Variants in CARTPT observed in about 807,000 individuals in gnomAD.
CARTPT encodes the protein cocaine- and amphetamine-regulated transcript protein.
In CARTPT, 6 loss-of-function variants were observed where a neutral mutation model predicts 12.2. The ratio of observed to expected loss-of-function variants is 0.49; its 90% confidence interval spans 0.27 to 0.97. The LOEUF is 0.97. Ranked by LOEUF, CARTPT falls within the 50% of genes least tolerant of loss-of-function variation. The probability of loss-of-function intolerance (pLI) is 0.12; values close to 1 mark genes in which losing one functional copy is unlikely to be tolerated. For synonymous variants in CARTPT, 75 were observed against 64.1 expected (o/e 1.17, Z -0.82); for missense variants, 135 against 142.0 (o/e 0.95, Z 0.25).
In CARTPT at chr5:71,719,442, A is replaced by G. The variant is rs1336620705; in HGVS notation, c.149A>G (p.Glu50Gly). The change falls in exon 1 of 3, where the codon GAG (glutamate) becomes GGG (glycine). Residue 50 changes from glutamate to glycine, a missense_variant. Coordinates refer to ENST00000296777, the MANE Select transcript of CARTPT (RefSeq NM_004291.4). ...IYSAVDDASHEKELIEALQEV... is the reference protein window; with the variant it reads ...IYSAVDDASHGKELIEALQEV... ...TCTGCCGTGGATGATGCCTCCCACG[A>G]GAAGGAGCTGGTCGGTATTCCCCTC... 6.2e-7 allele frequency: 1 copy of G among 1,614,048 alleles called. No individual in the cohort carries two copies. The highest frequency in any genetic ancestry group is 1.1e-5 in the South Asian group (1 of 91,068).
At chr5:71,720,000 A>G in intron 2 of CARTPT, 37 bp downstream of exon 2, 1 of 1,553,946 alleles carries the variant, frequency 6.4e-7, no homozygotes, top group Non-Finnish European at 8.9e-7. Context: ...GTGTTTTTCC[A>G]AGAGAAAGTA....
At chr5:71,719,832 G>T (rs369250355) in intron 1 of CARTPT, 48 bp from the exon 2 acceptor site, 3 of 1,580,506 alleles carry the variant, frequency 1.9e-6, no homozygotes, top group African/African-American at 1.3e-5. Context: ...CCTGGGCTGG[G>T]CTCGCAGCCA....
At chr5:71,719,765 C>G in intron 1 of CARTPT, 115 bp from the exon 2 acceptor site, 1 of 977,284 alleles carries the variant, frequency 1.0e-6, no homozygotes, top group Non-Finnish European at 1.6e-6. Flanking sequence ...CCGCGGAGTC[C>G]CACCGCAGAG....
rs1411878154 is a variant in CARTPT at position 71,719,280 on chromosome 5, C to T, written c.-14C>T. 2 of 1,609,998 alleles carry T rather than the reference C, an allele frequency of 1.2e-6. No individual in the cohort carries two copies. Among genetic ancestry groups the T allele is most frequent in the Admixed American group, 3.3e-5 (2 of 60,018 alleles). On this transcript the variant is annotated 5_prime_UTR_variant, in exon 1 of 3. The change creates a new upstream start codon in the 5' untranslated region. Coordinates refer to ENST00000296777, the MANE Select transcript of CARTPT (RefSeq NM_004291.4). ...GGAGCGCGTGGTGCCCCAGCAACGA[C>T]GAGTTTCAGAACGATGGAGAGCTCC...
chr5:71,719,307 G>T lies in CARTPT; in HGVS notation c.14G>T (p.Arg5Leu), dbSNP rs367802978. 5 of 1,612,590 alleles carry T rather than the reference G, an allele frequency of 3.1e-6. No homozygotes were observed. In the South Asian group the frequency reaches 3.3e-5, roughly 11 times the overall value. Residue 5 changes from arginine (R) to leucine (L), a missense_variant, in exon 1 of 3, where the codon CGC (arginine) becomes CTC (leucine). Coordinates refer to ENST00000296777, the MANE Select transcript of CARTPT (RefSeq NM_004291.4). The part of the protein sequence containing the change: MESS[R>L]VRLLPLLGAA... ...AGTTTCAGAACGATGGAGAGCTCCC[G>T]CGTGAGGCTGCTGCCCCTCCTGGGC...
At position 71,721,001 on chromosome 5, in the gene CARTPT, T is replaced by C. The variant is rs1056062075; in HGVS notation, c.*386T>C. 6 of 253,596 alleles carry C rather than the reference T, an allele frequency of 2.4e-5. No homozygotes were observed. The highest frequency in any genetic ancestry group is 1.1e-4 in the African/African-American group (5 of 45,290). 15.7% of individuals were successfully genotyped at this position (253,596 alleles called of 1,614,324 possible). A position where few individuals can be genotyped will look rare whatever the true frequency, so the allele number is the denominator to read the frequency against. On this transcript the variant is annotated 3_prime_UTR_variant, in exon 3 of 3. Coordinates refer to ENST00000296777, the MANE Select transcript of CARTPT (RefSeq NM_004291.4). Reference sequence around the variant, plus strand: ...AATAAATCACCCTAAGTGACACAAATTGAAGCATGTACAAATTATACATAA... The same window carrying C: ...AATAAATCACCCTAAGTGACACAAACTGAAGCATGTACAAATTATACATAA...
chr5:71,720,546 A>T lies in CARTPT; in HGVS notation c.282A>T (p.Ala94=). The change falls in exon 3 of 3, where the codon GCA becomes GCT. Residue 94 remains alanine, a synonymous_variant. Transcript: ENST00000296777. Reference sequence around the variant, plus strand: ...AGCAGTGTGCAGTGAGGAAAGGGGCAAGGATCGGGAAGCTGTGTGACTGTC... The same window carrying T: ...AGCAGTGTGCAGTGAGGAAAGGGGCTAGGATCGGGAAGCTGTGTGACTGTC... The part of the protein sequence containing the change: ...AGEQCAVRKG[A]RIGKLCDCPR... 1 of 1,613,300 alleles carries T rather than the reference A, an allele frequency of 6.2e-7. No individual in the cohort carries two copies. Among genetic ancestry groups the T allele is most frequent in the East Asian group, 2.2e-5 (1 of 44,868 alleles).
At position 71,719,329 on chromosome 5, in the gene CARTPT, GGGC is replaced by G. The variant is rs763557886; in HGVS notation, c.38_40del (p.Gly13del). On this transcript the variant is annotated inframe_deletion, in exon 1 of 3. Coordinates refer to ENST00000296777, the MANE Select transcript of CARTPT (RefSeq NM_004291.4). ...CCCGCGTGAGGCTGCTGCCCCTCCT[GGGC>G]GCCGCCCTGCTGCTGATGCTACCTC... is the stretch of plus-strand genomic sequence containing the variant. 5.0e-6 allele frequency: 8 copies of G among 1,613,550 alleles called. No homozygotes were observed. In the Admixed American group the frequency reaches 1.3e-4, roughly 27 times the overall value.
At chr5:71,719,701 T>C in intron 1 of CARTPT, 179 bp from the exon 2 acceptor site, 3 of 758,920 alleles carry the variant, frequency 4.0e-6, no homozygotes, top group Non-Finnish European at 6.7e-6. Context: ...AGACCCGCGG[T>C]CAGTACCTGG....
chr5:71,719,522 T>C (rs1580358512), intron 1 of CARTPT, 70 bp downstream of exon 1: 8 of 1,550,658 alleles, frequency 5.2e-6, no homozygotes, highest in Non-Finnish European at 7.1e-6. Context: ...GCCTCCCTCC[T>C]CCCCCCACCC....
Position 71,719,937 on chromosome 5 carries a change from GAGA to G in CARTPT, c.223_225del (p.Lys75del), listed in dbSNP as rs1265105508. The G allele has an allele frequency of 4.3e-6, 7 of 1,614,068 alleles. No homozygotes were observed. The highest frequency in any genetic ancestry group is 1.3e-5 in the African/African-American group (1 of 74,930). On this transcript the variant is annotated inframe_deletion, in exon 2 of 3. Coordinates refer to ENST00000296777, the MANE Select transcript of CARTPT (RefSeq NM_004291.4). ...CAAGAGTAAACGTGTTCCCATCTAT[GAGA>G]AGAAGTATGGCCAAGTCCCCATGGT...
At chr5:71,720,081 G>A (rs774650821) in intron 2 of CARTPT, 118 bp downstream of exon 2, 14 of 876,446 alleles carry the variant, frequency 1.6e-5, no homozygotes, top group Admixed American at 9.1e-5. Flanking sequence ...TGGGCTTGCA[G>A]GATTCTGTGG....
In CARTPT at chr5:71,720,647, T is replaced by C. The variant is rs760951917; in HGVS notation, c.*32T>C. 3.3e-6 allele frequency: 5 copies of C among 1,519,464 alleles called. No individual in the cohort carries two copies. The South Asian group carries it at 5.9e-5, about 18-fold the overall frequency. The allele number at this position is 1,519,464 out of a possible 1,614,324, so 94.1% of individuals were successfully genotyped here. A position where few individuals can be genotyped will look rare whatever the true frequency, so the allele number is the denominator to read the frequency against. Reference sequence around the variant, plus strand: ...GTCCATTCTCCTCCATACATCCCCATCCCTCTACTTTCCCCAGAGGACCAC... The same window carrying C: ...GTCCATTCTCCTCCATACATCCCCACCCCTCTACTTTCCCCAGAGGACCAC... On this transcript the variant is annotated 3_prime_UTR_variant, in exon 3 of 3. Transcript: ENST00000296777.
At chr5:71,720,109 G>C (rs183741287) in intron 2 of CARTPT, 146 bp downstream of exon 2, 18 of 762,718 alleles carry the variant, frequency 2.4e-5, no homozygotes, top group Non-Finnish European at 4.2e-5. Context: ...CTTCCTTCCC[G>C]GGTGAGGAAA....
At chr5:71,719,679 C>G in intron 1 of CARTPT, 1 of 749,478 alleles carries the variant, frequency 1.3e-6, no homozygotes, top group South Asian at 1.6e-5. Context: ...AACAGGGACC[C>G]CAGCGGCTCA....
chr5:71,719,740 G>A, intron 1 of CARTPT, 140 bp from the exon 2 acceptor site: 2 of 864,926 alleles, frequency 2.3e-6, no homozygotes, highest in East Asian at 2.5e-5. Context: ...TCCACCCCTC[G>A]ACCATTCCCT....
chr5:71,719,399 C>T lies in CARTPT; in HGVS notation c.106C>T (p.Arg36Ter). The T allele has an allele frequency of 2.5e-6, 4 of 1,614,158 alleles. No homozygotes were observed. Among genetic ancestry groups the T allele is most frequent in the Non-Finnish European group, 2.5e-6 (3 of 1,180,022 alleles). Residue 36 changes from arginine to a stop codon, truncating the protein, a stop_gained, in exon 1 of 3, where the codon CGA becomes TGA. Coordinates refer to ENST00000296777, the MANE Select transcript of CARTPT (RefSeq NM_004291.4). LOFTEE classifies it high-confidence loss of function. ...RAQEDAELQP[R>*]ALDIYSAVDD... ...CCAGGAGGACGCCGAGCTCCAGCCC[C>T]GAGCCCTGGACATCTACTCTGCCGT...
intron 2 of CARTPT, among the ~76,000 whole-genome samples, chr5:71,720,188 A>AT (rs895691628): frequency 5.9e-5 from 9 of 151,788 alleles, no homozygotes; most frequent in Admixed American, 2.6e-4. Context: ...AAAAGGTCTG[A>AT]TTTTTTTCCC....
At chr5:71,719,563 G>C in intron 1 of CARTPT, 111 bp downstream of exon 1, 1 of 1,365,552 alleles carries the variant, frequency 7.3e-7, no homozygotes, top group African/African-American at 1.4e-5. Context: ...AGGGCGCGGG[G>C]AGCTGAGCGC....
Sources: allele counts gnomAD v4.1 joint callset (sites outside exome capture counted in the v4.1 genomes callset), GRCh38; gene constraint gnomAD v4.1.1; transcripts MANE v1.5; gene names NCBI Gene and HGNC (gene_info 2026-07-23, HGNC 2026-07-21).